KDM6A: variants seen among roughly 807,000 people sequenced by gnomAD.
The protein encoded by KDM6A is lysine demethylase 6A, also known as lysine-specific demethylase 6A.
Under a neutral mutation model 117.6 loss-of-function variants are expected in KDM6A, and 11 were observed. That is an observed-to-expected ratio of 0.09 (90% CI 0.06 to 0.15). The LOEUF is 0.15. Ranked by LOEUF, KDM6A falls within the 10% of genes least tolerant of loss-of-function variation. The pLI is 1.00. For synonymous variants in KDM6A, 384 were observed against 396.1 expected, an observed-to-expected ratio of 0.97 and a Z score of 0.36; for missense variants, 799 against 1,077.3, an observed-to-expected ratio of 0.74 and a Z score of 3.62.
chrX:45,043,842 CTT>C (rs1193690684), intron 8 of KDM6A, among the ~76,000 whole-genome samples: 1 of 111,992 alleles, frequency 8.9e-6, no homozygotes, highest in Non-Finnish European at 1.9e-5. Flanking sequence ...ATAAAGATAA[CTT>C]TGCTTCTCTG....
chrX:45,107,299 C>A, intron 27 of KDM6A, 111 bp from the exon 28 acceptor site: 1 of 757,030 alleles, frequency 1.3e-6, no homozygotes. Flanking sequence ...ATTATGAAGT[C>A]ATAGACATTA....
At chrX:45,023,841 C>T (rs182758674) in intron 6 of KDM6A, among the ~76,000 whole-genome samples, 2 of 111,013 alleles carry the variant, frequency 1.8e-5, no homozygotes, top group Non-Finnish European at 3.8e-5. Flanking sequence ...CATTCTTATA[C>T]CTTTGCATCC....
rs1434197431 is a variant in KDM6A, at chrX:44,873,389, TCAC to T, written c.-161_-159del. 4 of 708,710 alleles carry T rather than the reference TCAC, an allele frequency of 5.6e-6. No homozygotes were observed. The highest frequency in any genetic ancestry group is 4.1e-5 in the Admixed American group (1 of 24,362). 58.4% of individuals were successfully genotyped at this position (708,710 alleles called of 1,213,427 possible). Reference sequence around the variant, plus strand: ...GCCCCTGCCGCCGCCGCCGCCGCCTTCACCGCCGCCGCGTTGGGATTTTTCGTC... The same window carrying T: ...GCCCCTGCCGCCGCCGCCGCCGCCTTCGCCGCCGCGTTGGGATTTTTCGTC... On this transcript the variant is annotated 5_prime_UTR_variant, in exon 1 of 30. Coordinates refer to ENST00000611820, the MANE Select transcript of KDM6A (RefSeq NM_001291415.2).
intron 27 of KDM6A, among the ~76,000 whole-genome samples, chrX:45,100,315 G>C (rs1363169460): frequency 9.0e-6 from 1 of 110,923 alleles, no homozygotes; most frequent in Admixed American, 9.6e-5. Flanking sequence ...AGACTTACAG[G>C]TGCAGTTGAT....
intron 2 of KDM6A, among the ~76,000 whole-genome samples, chrX:44,907,619 A>T (rs1023149518): frequency 1.9e-5 from 2 of 105,115 alleles, no homozygotes; most frequent in Admixed American, 2.1e-4. Context: ...AGTAGCATGT[A>T]TTTTTTTTAG....
At position 45,051,102 on chromosome X, in the gene KDM6A, C is replaced by T. The variant is rs186180351; in HGVS notation, c.655-607C>T. Reference sequence around the variant, plus strand: ...TCGGCTCACCGCAACCTCCGCCTCCCGGTTTCAAGCGATTCTCCTGCCTCA... The same window carrying T: ...TCGGCTCACCGCAACCTCCGCCTCCTGGTTTCAAGCGATTCTCCTGCCTCA... On this transcript the variant is annotated intron_variant, in intron 8 of 29. Coordinates refer to ENST00000611820, the MANE Select transcript of KDM6A (RefSeq NM_001291415.2). Among the ~76,000 whole-genome samples the T allele has an allele frequency of 2.9e-3, 321 of 111,462 alleles. 1 individual carries two copies. The highest frequency in any genetic ancestry group is 1.0e-2 in the African/African-American group (306 of 30,696).
chrX:45,027,713 A>G (rs1219470330), intron 6 of KDM6A, among the ~76,000 whole-genome samples: 1 of 111,599 alleles, frequency 9.0e-6, no homozygotes, highest in African/African-American at 3.3e-5. Context: ...GTATTGGCAT[A>G]TCATGGAAGC....
chrX:45,040,865 G>C (rs1457748735), intron 8 of KDM6A, among the ~76,000 whole-genome samples: 1 of 72,401 alleles, frequency 1.4e-5, no homozygotes, highest in Non-Finnish European at 2.7e-5. Flanking sequence ...CTGGCCGGGC[G>C]GGGGGCTGAC....
intron 4 of KDM6A, among the ~76,000 whole-genome samples, chrX:44,985,223 G>A (rs1431927832): frequency 9.0e-6 from 1 of 111,593 alleles, no homozygotes; most frequent in Admixed American, 9.6e-5. Flanking sequence ...TGTTATTGGT[G>A]TATAAGAATG....
chrX:44,913,276 A>G (rs1160187110), intron 2 of KDM6A, among the ~76,000 whole-genome samples: 1 of 104,243 alleles, frequency 9.6e-6, no homozygotes, highest in Non-Finnish European at 1.9e-5. Context: ...TATATAATAC[A>G]TATACCAAAT....
chrX:44,923,127 A>G (rs936853901), intron 2 of KDM6A, among the ~76,000 whole-genome samples: 2 of 111,538 alleles, frequency 1.8e-5, no homozygotes, highest in African/African-American at 6.5e-5. Context: ...GTTCCTCTGT[A>G]AGACGTCTCC....
intron 17 of KDM6A, 99 bp downstream of exon 17, chrX:45,063,916 G>A (rs1457699327): frequency 1.2e-6 from 1 of 835,391 alleles, no homozygotes; most frequent in African/African-American, 2.0e-5. Context: ...TTGGGGAACT[G>A]GTTTTATAAG....
At chrX:44,978,766 T>C (rs2039742352) in intron 4 of KDM6A, among the ~76,000 whole-genome samples, 1 of 112,173 alleles carries the variant, frequency 8.9e-6, no homozygotes, top group Admixed American at 9.5e-5. Context: ...TCTTGATCTC[T>C]GGTCCCAGGC....
intron 2 of KDM6A, among the ~76,000 whole-genome samples, chrX:44,911,887 C>T (rs1009845337): frequency 2.7e-5 from 3 of 110,402 alleles, no homozygotes; most frequent in African/African-American, 6.6e-5. Context: ...ACCAGTCAGG[C>T]GTGGCGGCGC....
At chrX:44,979,885 A>T (rs1300735905) in intron 4 of KDM6A, among the ~76,000 whole-genome samples, 1 of 111,160 alleles carries the variant, frequency 9.0e-6, no homozygotes, top group Non-Finnish European at 1.9e-5. Context: ...ATTCTCTGTT[A>T]CGTTCCAGTG....
chrX:45,085,376 A>G (rs942734451), intron 24 of KDM6A, among the ~76,000 whole-genome samples: 2 of 111,682 alleles, frequency 1.8e-5, no homozygotes, highest in African/African-American at 6.5e-5. Flanking sequence ...AACTTAAGGT[A>G]TTTTTCAACT....
intron 5 of KDM6A, among the ~76,000 whole-genome samples, chrX:45,017,540 T>C (rs1208058237): frequency 9.0e-6 from 1 of 111,564 alleles, no homozygotes; most frequent in Non-Finnish European, 1.9e-5. Flanking sequence ...TATTTACTTG[T>C]TTTTCTTGGG....
At chrX:45,040,874 AC>A (rs2043123718) in intron 8 of KDM6A, among the ~76,000 whole-genome samples, 1 of 45,757 alleles carries the variant, frequency 2.2e-5, no homozygotes. Flanking sequence ...CGGGGGGCTG[AC>A]CCCCCCACCT....
chrX:45,021,143 A>G (rs908927345), intron 6 of KDM6A, among the ~76,000 whole-genome samples: 1 of 110,051 alleles, frequency 9.1e-6, no homozygotes, highest in African/African-American at 3.3e-5. Context: ...CAGTACTTCT[A>G]CCAGCAGAAG....
Sources: allele counts gnomAD v4.1 joint callset (sites outside exome capture counted in the v4.1 genomes callset), GRCh38; gene constraint gnomAD v4.1.1; transcripts MANE v1.5; gene names NCBI Gene and HGNC (gene_info 2026-07-23, HGNC 2026-07-21).